PARP8: variants seen among roughly 807,000 people sequenced by gnomAD.
PARP8 encodes the protein protein mono-ADP-ribosyltransferase PARP8.
A neutral mutation model predicts 124.1 loss-of-function variants in PARP8; 51 were observed. The observed-to-expected ratio is 0.41, with a 90% confidence interval of 0.33 to 0.52. The LOEUF (loss-of-function observed/expected upper bound fraction) is 0.52. PARP8 is among the 20% of genes least tolerant of loss of function. PARP8 has a pLI of 0.21. For missense variants in PARP8, 860 were observed against 1,018.9 expected (o/e 0.84, Z 2.12); for synonymous variants, 391 against 361.5 (o/e 1.08, Z -0.93).
Position 50,843,563 on chromosome 5 carries a change from A to G in PARP8, c.*1495A>G, listed in dbSNP as rs1391694844. The G allele has an allele frequency of 6.6e-6, 1 of 151,798 alleles. No homozygotes were observed. The highest frequency in any genetic ancestry group is 1.5e-5 in the Non-Finnish European group (1 of 67,844). 9.4% of individuals were successfully genotyped at this position (151,798 alleles called of 1,614,324 possible). A position where few individuals can be genotyped will look rare whatever the true frequency, so the allele number is the denominator to read the frequency against. ...TGATATGCCACTTATTTCTGCAAGA[A>G]AAATAGGCTTGAAGTGGTTGGGATA... On this transcript the variant is annotated 3_prime_UTR_variant, in exon 26 of 26. Coordinates refer to ENST00000281631, the MANE Select transcript of PARP8 (RefSeq NM_024615.4).
rs749087277 is a variant in PARP8 at position 50,795,015 on chromosome 5, C to T, written c.1026C>T (p.Arg342=). Residue 342 remains arginine (R), a synonymous_variant, in exon 12 of 26, where the codon CGC becomes CGT. Transcript: ENST00000281631. ...CAAAGTCACACAGGACCTTTGGCCG[C>T]TCCTTGTCCAGCGATCCCAGGGCGG... The part of the protein sequence containing the change: ...CVTKSHRTFG[R]SLSSDPRAEQ... 6.2e-7 allele frequency: 1 copy of T among 1,614,198 alleles called. No homozygotes were observed. The highest frequency in any genetic ancestry group is 1.7e-5 in the Admixed American group (1 of 60,024).
intron 2 of PARP8, among the ~76,000 whole-genome samples, chr5:50,680,002 A>T (rs1258450602): frequency 6.6e-6 from 1 of 152,214 alleles, no homozygotes. Context: ...AGCCGTTAGA[A>T]AAAGGTGGCT....
chr5:50,675,208 G>A (rs1394132337), intron 2 of PARP8, among the ~76,000 whole-genome samples: 1 of 152,158 alleles, frequency 6.6e-6, no homozygotes, highest in Non-Finnish European at 1.5e-5. Context: ...CCCTAGGATG[G>A]TGTCTTTCTG....
intron 7 of PARP8, among the ~76,000 whole-genome samples, chr5:50,776,251 G>T (rs1287105608): frequency 5.9e-5 from 9 of 152,170 alleles, no homozygotes; most frequent in South Asian, 2.1e-4. Context: ...GCTCATCATG[G>T]TGTATGATTT....
chr5:50,709,712 A>T (rs113333219), intron 2 of PARP8, among the ~76,000 whole-genome samples: 4 of 151,936 alleles, frequency 2.6e-5, no homozygotes, highest in African/African-American at 9.6e-5. Flanking sequence ...CGTTCCACAA[A>T]AAAATGCCAG....
At chr5:50,828,809 C>T (rs1191135779) in intron 21 of PARP8, among the ~76,000 whole-genome samples, 3 of 151,262 alleles carry the variant, frequency 2.0e-5, no homozygotes, top group South Asian at 2.1e-4. Context: ...AATTTGAACC[C>T]GGGAGGTGAA....
chr5:50,734,917 A>G (rs1757328585), intron 2 of PARP8, among the ~76,000 whole-genome samples: 1 of 152,166 alleles, frequency 6.6e-6, no homozygotes, highest in Non-Finnish European at 1.5e-5. Flanking sequence ...AGCTGAGACA[A>G]TGGGATATTT....
intron 7 of PARP8, among the ~76,000 whole-genome samples, chr5:50,765,975 T>C (rs1299706569): frequency 6.6e-6 from 1 of 151,316 alleles, no homozygotes; most frequent in Non-Finnish European, 1.5e-5. Context: ...AACAGGCTAT[T>C]AGGAGTAATT....
Position 50,778,615 on chromosome 5 carries a change from T to A in PARP8, c.635T>A (p.Leu212Gln). Residue 212 changes from leucine (L) to glutamine (Q), a missense_variant, in exon 9 of 26, where the codon CTA becomes CAA. Physicochemically the swap from Leu to Gln is moderately radical, Grantham distance 113 (BLOSUM62 -2). Transcript: ENST00000281631. ...CGAACAGAACCTATAATTGTTCGAC[T>A]ACACTGTTCACTTACACAGTATTTA... ...VIRTEPIIVRLHCSLTQYLNG... is the reference protein window; with the variant it reads ...VIRTEPIIVRQHCSLTQYLNG... 6.2e-7 allele frequency: 1 copy of A among 1,608,674 alleles called. No homozygotes were observed. Among genetic ancestry groups the A allele is most frequent in the Non-Finnish European group, 8.5e-7 (1 of 1,177,954 alleles).
chr5:50,704,221 T>C (rs1580016483), intron 2 of PARP8, among the ~76,000 whole-genome samples: 1 of 152,172 alleles, frequency 6.6e-6, no homozygotes, highest in East Asian at 1.9e-4. Context: ...ATGTGATATT[T>C]ATTACTTCTT....
At position 50,794,838 on chromosome 5, in the gene PARP8, T is replaced by A. The variant is rs531351773; in HGVS notation, c.864-15T>A. 2 of 1,602,378 alleles carry A rather than the reference T, an allele frequency of 1.2e-6. No homozygotes were observed. Among genetic ancestry groups the A allele is most frequent in the East Asian group, 4.5e-5 (2 of 44,796 alleles). On this transcript the variant is annotated splice_polypyrimidine_tract_variant and intron_variant, in intron 11 of 25. Transcript: ENST00000281631. ...CTGTGATTTGCCCTGTAGTAATTGT[T>A]GTTCAATTTTGAAGGTCGCCAAGTT...
intron 2 of PARP8, among the ~76,000 whole-genome samples, chr5:50,686,246 G>C (rs1408203531): frequency 6.6e-6 from 1 of 152,140 alleles, no homozygotes; most frequent in Non-Finnish European, 1.5e-5. Flanking sequence ...GGGGCTACAG[G>C]CCCCCTGCAA....
intron 15 of PARP8, among the ~76,000 whole-genome samples, chr5:50,819,798 T>C (rs1208434888): frequency 6.6e-6 from 1 of 152,136 alleles, no homozygotes; most frequent in Non-Finnish European, 1.5e-5. Flanking sequence ...GGGTTTTCAT[T>C]AGAGACCAGA....
intron 10 of PARP8, 69 bp downstream of exon 10, chr5:50,788,658 A>T: frequency 7.7e-7 from 1 of 1,303,180 alleles, no homozygotes; most frequent in Non-Finnish European, 1.1e-6. Flanking sequence ...TGTTCATTAA[A>T]ACAAACAAAC....
chr5:50,723,974 C>A (rs1020020669), intron 2 of PARP8, among the ~76,000 whole-genome samples: 3 of 152,036 alleles, frequency 2.0e-5, no homozygotes, highest in African/African-American at 7.2e-5. Flanking sequence ...GGCAAACATT[C>A]ATTTTTAAAT....
At chr5:50,693,216 G>T (rs1354775811) in intron 2 of PARP8, among the ~76,000 whole-genome samples, 1 of 152,166 alleles carries the variant, frequency 6.6e-6, no homozygotes, top group Non-Finnish European at 1.5e-5. Context: ...CCTGCCTCAA[G>T]TAAAGTTTGA....
intron 2 of PARP8, among the ~76,000 whole-genome samples, chr5:50,746,273 T>G (rs1379742296): frequency 6.6e-6 from 1 of 152,148 alleles, no homozygotes; most frequent in African/African-American, 2.4e-5. Context: ...TAAGGATGCT[T>G]GGGTGAAGGG....
At chr5:50,819,053 T>C (rs562347257) in intron 15 of PARP8, among the ~76,000 whole-genome samples, 1 of 152,314 alleles carries the variant, frequency 6.6e-6, no homozygotes, top group South Asian at 2.1e-4. Flanking sequence ...GTTAAGACCT[T>C]ATTCAGACAA....
chr5:50,778,690 T>A, intron 9 of PARP8, 40 bp downstream of exon 9: 1 of 1,399,928 alleles, frequency 7.1e-7, no homozygotes, highest in Non-Finnish European at 9.8e-7. Flanking sequence ...GAATATTAAT[T>A]AGCTGTGCAC....
Sources: allele counts gnomAD v4.1 joint callset (sites outside exome capture counted in the v4.1 genomes callset), GRCh38; gene constraint gnomAD v4.1.1; transcripts MANE v1.5; gene names NCBI Gene and HGNC (gene_info 2026-07-23, HGNC 2026-07-21).